Variants in RAB30 observed in about 807,000 individuals in gnomAD.
RAB30 encodes ras-related protein Rab-30.
A neutral mutation model predicts 25.1 loss-of-function variants in RAB30; 9 were observed. The observed-to-expected ratio is 0.36, with a 90% CI of 0.22 to 0.63. RAB30 has a LOEUF of 0.63. Ranked by LOEUF, RAB30 falls within the 20% of genes least tolerant of loss-of-function variation. RAB30 has a pLI of 0.69. For synonymous variants in RAB30, 77 were observed against 86.4 expected (o/e 0.89, Z 0.60); for missense variants, 140 against 243.5 (o/e 0.58, Z 2.83).
intron 1 of RAB30, among the ~76,000 whole-genome samples, chr11:83,023,771 C>G (rs1301931002): frequency 6.6e-6 from 1 of 152,194 alleles, no homozygotes; most frequent in Non-Finnish European, 1.5e-5. Context: ...TCACCAAACT[C>G]ACATTTTATA....
In RAB30 at chr11:82,978,098, ATGT is replaced by A. The variant is rs754523589; in HGVS notation, c.*4064_*4066del. On this transcript the variant is annotated 3_prime_UTR_variant, in exon 5 of 5. Coordinates refer to ENST00000527633, the MANE Select transcript of RAB30 (RefSeq NM_001286060.2). ...ATTTTGTCTGAAGGATGAGAAGCAA[ATGT>A]TGTTTCACAGCTTTTAATTCTTTAG... 45 of 152,326 alleles carry A rather than the reference ATGT, an allele frequency of 3.0e-4. No homozygotes were observed. Among genetic ancestry groups the A allele is most frequent in the Middle Eastern group, 3.4e-3 (1 of 294 alleles). The allele number at this position is 152,326 out of a possible 1,614,324, so 9.4% of individuals were successfully genotyped here. A position where few individuals can be genotyped will look rare whatever the true frequency, so the allele number is the denominator to read the frequency against.
At chr11:83,067,521 C>G (rs1159270941) in intron 1 of RAB30, among the ~76,000 whole-genome samples, 3 of 152,158 alleles carry the variant, frequency 2.0e-5, no homozygotes, top group Non-Finnish European at 4.4e-5. Context: ...TCAAACTCAG[C>G]ATGTCCAAAG....
chr11:82,975,054 G>A lies in RAB30; in HGVS notation c.*7111C>T, dbSNP rs965013677. On this transcript the variant is annotated 3_prime_UTR_variant, in exon 5 of 5. Coordinates refer to ENST00000527633, the MANE Select transcript of RAB30 (RefSeq NM_001286060.2). ...CAAAGGAGCTCCAACCATCTGGTATGTCTGGAAGACACTTCAGTGAGTAGA... is the reference window on the plus strand; with the variant it reads ...CAAAGGAGCTCCAACCATCTGGTATATCTGGAAGACACTTCAGTGAGTAGA... 9 of 148,792 alleles carry A rather than the reference G, an allele frequency of 6.0e-5. No individual in the cohort carries two copies. The highest frequency in any genetic ancestry group is 2.2e-4 in the African/African-American group (9 of 40,378). 9.2% of individuals were successfully genotyped at this position (148,792 alleles called of 1,614,324 possible).
intron 1 of RAB30, chr11:83,038,921 A>G (rs1384915469): frequency 6.6e-6 from 1 of 152,180 alleles, no homozygotes; most frequent in Non-Finnish European, 1.5e-5. Flanking sequence ...TGCATTTAAA[A>G]AAATCCAATC....
At position 83,010,771 on chromosome 11, in the gene RAB30, C is replaced by T. The variant is rs577061861; in HGVS notation, c.-8-13447G>A. On this transcript the variant is annotated intron_variant, in intron 1 of 4. Coordinates refer to ENST00000527633, the MANE Select transcript of RAB30 (RefSeq NM_001286060.2). ...AATTCACTTTAGGGAAATAACTGAA[C>T]GAACCCAAAATGCCAAATGAACAAA... 1.6e-4 allele frequency among the ~76,000 whole-genome samples: 25 copies of T among 152,200 alleles called. No homozygotes were observed. The East Asian group carries it at 2.9e-3, about 18-fold the overall frequency.
intron 1 of RAB30, among the ~76,000 whole-genome samples, chr11:83,029,227 T>A (rs1454209399): frequency 2.6e-5 from 4 of 152,076 alleles, no homozygotes; most frequent in Non-Finnish European, 2.9e-5. Flanking sequence ...CATTAAACCC[T>A]CTTTTGTGTT....
chr11:83,012,184 T>C (rs1031895649), intron 1 of RAB30, among the ~76,000 whole-genome samples: 2 of 152,228 alleles, frequency 1.3e-5, no homozygotes, highest in Admixed American at 1.3e-4. Context: ...GCCTAAGATG[T>C]GGTACGCCAC....
chr11:82,982,031 T>G lies in RAB30; in HGVS notation c.*134A>C. 2 of 1,263,028 alleles carry G rather than the reference T, an allele frequency of 1.6e-6. 1 individual carries two copies. The highest frequency in any genetic ancestry group is 4.7e-5 in the East Asian group (2 of 42,942). The allele number at this position is 1,263,028 out of a possible 1,614,324, so 78.2% of individuals were successfully genotyped here. ...TGTGGTCGAGGCCCTTGGCCTGCCA[T>G]GCTTTGTAAGCTCAGGAGCCCACAG... On this transcript the variant is annotated 3_prime_UTR_variant, in exon 5 of 5. Coordinates refer to ENST00000527633, the MANE Select transcript of RAB30 (RefSeq NM_001286060.2).
At chr11:83,045,265 T>C (rs1858210027) in intron 1 of RAB30, among the ~76,000 whole-genome samples, 1 of 152,136 alleles carries the variant, frequency 6.6e-6, no homozygotes, top group African/African-American at 2.4e-5. Context: ...CCCAAGCAAC[T>C]GAAACTACAG....
intron 1 of RAB30, among the ~76,000 whole-genome samples, chr11:83,027,739 A>G (rs753927690): frequency 1.3e-5 from 2 of 152,146 alleles, no homozygotes; most frequent in Non-Finnish European, 2.9e-5. Context: ...CCATCACCAC[A>G]ATCAATTTTA....
At chr11:83,050,126 G>C (rs1244554058) in intron 1 of RAB30, among the ~76,000 whole-genome samples, 1 of 152,082 alleles carries the variant, frequency 6.6e-6, no homozygotes, top group Non-Finnish European at 1.5e-5. Context: ...AGCTGGGCAT[G>C]GTGGTGCATG....
chr11:83,062,833 TCTA>T (rs1858612904), intron 1 of RAB30, among the ~76,000 whole-genome samples: 1 of 151,906 alleles, frequency 6.6e-6, no homozygotes, highest in East Asian at 1.9e-4. Flanking sequence ...GAACCCCATC[TCTA>T]CTAAAAATAC....
chr11:83,038,826 A>C (rs1858043428), intron 1 of RAB30: 1 of 152,074 alleles, frequency 6.6e-6, no homozygotes, highest in Admixed American at 6.6e-5. Flanking sequence ...CATCTCAAAA[A>C]AAATAAAAAA....
chr11:83,019,233 C>G (rs1857509305), intron 1 of RAB30, among the ~76,000 whole-genome samples: 1 of 152,170 alleles, frequency 6.6e-6, no homozygotes, highest in Admixed American at 6.5e-5. Context: ...TGCCCATTGG[C>G]CAGGCTGGTC....
chr11:83,005,030 C>T (rs1006328119), intron 1 of RAB30, among the ~76,000 whole-genome samples: 1 of 152,174 alleles, frequency 6.6e-6, no homozygotes, highest in Admixed American at 6.5e-5. Context: ...CCACAAATGT[C>T]AAACACCCAC....
intron 1 of RAB30, 108 bp from the exon 2 acceptor site, chr11:82,997,432 G>A (rs754001318): frequency 1.2e-5 from 9 of 779,008 alleles, no homozygotes; most frequent in South Asian, 4.8e-5. Context: ...CTCATTTAAA[G>A]AGCAATTTAA....
intron 1 of RAB30, among the ~76,000 whole-genome samples, chr11:83,029,465 T>C (rs1250797243): frequency 1.3e-5 from 2 of 151,830 alleles, no homozygotes; most frequent in Non-Finnish European, 2.9e-5. Context: ...TGCAGTGGTG[T>C]CATCATGGCT....
At chr11:83,036,477 T>C (rs1392931548) in intron 1 of RAB30, among the ~76,000 whole-genome samples, 1 of 152,172 alleles carries the variant, frequency 6.6e-6, no homozygotes, top group African/African-American at 2.4e-5. Flanking sequence ...CTCAAATTCA[T>C]TTTTAATACA....
At chr11:83,032,977 C>T (rs1048568407) in intron 1 of RAB30, among the ~76,000 whole-genome samples, 2 of 145,862 alleles carry the variant, frequency 1.4e-5, no homozygotes, top group African/African-American at 5.0e-5. Flanking sequence ...CACTGGGGAA[C>T]ATAATAATAT....
Sources: allele counts gnomAD v4.1 joint callset (sites outside exome capture counted in the v4.1 genomes callset), GRCh38; gene constraint gnomAD v4.1.1; transcripts MANE v1.5; gene names NCBI Gene and HGNC (gene_info 2026-07-23, HGNC 2026-07-21).